Variants in ADCK1 observed in about 807,000 individuals in gnomAD.
The protein encoded by ADCK1 is aarF domain-containing protein kinase 1.
Under a neutral mutation model 52.3 loss-of-function variants are expected in ADCK1, and 41 were observed. The observed-to-expected ratio is 0.78, with a 90% CI of 0.61 to 1.02. ADCK1 has a LOEUF of 1.02. ADCK1 is among the 50% of genes least tolerant of loss of function. The pLI is 0.00. For missense variants in ADCK1, 658 were observed against 679.5 expected, an observed-to-expected ratio of 0.97 and a Z score of 0.35; for synonymous variants, 250 against 274.6, an observed-to-expected ratio of 0.91 and a Z score of 0.89.
chr14:77,852,681 A>AT (rs1291663918), intron 3 of ADCK1, among the ~76,000 whole-genome samples: 10 of 80,976 alleles, frequency 1.2e-4, no homozygotes, highest in African/African-American at 4.6e-4. Flanking sequence ...ATATATATAT[A>AT]TATATATATA....
intron 5 of ADCK1, 100 bp downstream of exon 5, chr14:77,887,349 G>A: frequency 7.5e-7 from 1 of 1,329,296 alleles, no homozygotes; most frequent in Non-Finnish European, 9.9e-7. Context: ...AGTGGAGTGT[G>A]GCCCTTCAAG....
At chr14:77,925,138 T>C (rs2084159685) in intron 8 of ADCK1, among the ~76,000 whole-genome samples, 1 of 152,204 alleles carries the variant, frequency 6.6e-6, no homozygotes, top group South Asian at 2.1e-4. Context: ...TTCTGCTCCT[T>C]CTCTCAGTGA....
chr14:77,909,707 G>A (rs2140262571), intron 7 of ADCK1, among the ~76,000 whole-genome samples: 1 of 152,346 alleles, frequency 6.6e-6, no homozygotes, highest in African/African-American at 2.4e-5. Flanking sequence ...AGTGCCTGGT[G>A]TGTGGCTAGC....
chr14:77,909,913 G>C (rs1055701441), intron 7 of ADCK1, among the ~76,000 whole-genome samples: 4 of 152,200 alleles, frequency 2.6e-5, no homozygotes, highest in Non-Finnish European at 5.9e-5. Flanking sequence ...GTCTCAGAGA[G>C]AGAAGGTCAC....
intron 4 of ADCK1, among the ~76,000 whole-genome samples, chr14:77,869,323 G>A (rs2082727549): frequency 6.6e-6 from 1 of 152,122 alleles, no homozygotes; most frequent in Non-Finnish European, 1.5e-5. Flanking sequence ...TAGCTTCTGG[G>A]GGGTTTGCTG....
intron 1 of ADCK1, among the ~76,000 whole-genome samples, chr14:77,809,772 G>A (rs1296379359): frequency 6.6e-6 from 1 of 151,368 alleles, no homozygotes; most frequent in Non-Finnish European, 1.5e-5. Flanking sequence ...TGGTGGTTCA[G>A]GCCTGTAATC....
At chr14:77,825,384 AT>A (rs34568219) in intron 3 of ADCK1, among the ~76,000 whole-genome samples, 92,603 of 151,958 alleles carry the variant, frequency 0.61, 29,103 homozygotes, top group Middle Eastern at 0.7. Flanking sequence ...TGGGATATTC[AT>A]TTAGCCTTTT....
chr14:77,827,878 G>C (rs770031970), intron 3 of ADCK1: 1 of 412,596 alleles, frequency 2.4e-6, no homozygotes, highest in South Asian at 1.7e-5. Context: ...TCCCAGGCTG[G>C]AGTGCATTGG....
intron 1 of ADCK1, among the ~76,000 whole-genome samples, chr14:77,801,440 CCATATTAAT>C (rs1456530490): frequency 6.6e-6 from 1 of 152,204 alleles, no homozygotes; most frequent in East Asian, 1.9e-4. Context: ...TTAACTCCCT[CCATATTAAT>C]TTATATACAG....
At chr14:77,830,786 C>T (rs2081831728) in intron 3 of ADCK1, among the ~76,000 whole-genome samples, 1 of 152,124 alleles carries the variant, frequency 6.6e-6, no homozygotes, top group Non-Finnish European at 1.5e-5. Flanking sequence ...TTGATTGCTA[C>T]TTTGAGTGTG....
intron 6 of ADCK1, among the ~76,000 whole-genome samples, chr14:77,902,013 T>C (rs570108038): frequency 6.6e-6 from 1 of 152,290 alleles, no homozygotes; most frequent in African/African-American, 2.4e-5. Flanking sequence ...TGTGCTGTTC[T>C]TGGGGAGGAT....
intron 7 of ADCK1, among the ~76,000 whole-genome samples, chr14:77,915,220 A>C (rs549890844): frequency 7.3e-4 from 111 of 151,318 alleles, no homozygotes; most frequent in Non-Finnish European, 1.3e-3. Context: ...TTTAGGGTAC[A>C]TGTGCACAAC....
intron 4 of ADCK1, among the ~76,000 whole-genome samples, chr14:77,878,116 G>A (rs1031799885): frequency 5.3e-5 from 8 of 152,180 alleles, no homozygotes; most frequent in African/African-American, 7.2e-5. Flanking sequence ...ACTTTCTATC[G>A]CCTTCCCTTG....
intron 5 of ADCK1, among the ~76,000 whole-genome samples, chr14:77,894,456 T>C (rs377268870): frequency 3.3e-5 from 5 of 152,198 alleles, no homozygotes; most frequent in African/African-American, 1.2e-4. Context: ...TGCCTTATCT[T>C]GAGCTTCCTA....
chr14:77,830,996 G>C (rs1274968482), intron 3 of ADCK1, among the ~76,000 whole-genome samples: 13 of 152,196 alleles, frequency 8.5e-5, no homozygotes, highest in Admixed American at 8.5e-4. Context: ...GCCAGGTGGT[G>C]ATCAAAATTC....
chr14:77,813,435 C>T (rs945742517), intron 1 of ADCK1, among the ~76,000 whole-genome samples: 11 of 152,264 alleles, frequency 7.2e-5, no homozygotes, highest in Admixed American at 1.3e-4. Flanking sequence ...CTCAGCCTTC[C>T]GAGTGGCTGG....
At chr14:77,854,523 C>G (rs1442071057) in intron 3 of ADCK1, among the ~76,000 whole-genome samples, 1 of 147,910 alleles carries the variant, frequency 6.8e-6, no homozygotes, top group Non-Finnish European at 1.5e-5. Flanking sequence ...TCAACTAATT[C>G]TTAGAGAGGT....
chr14:77,866,732 C>G (rs1029930642), intron 4 of ADCK1, among the ~76,000 whole-genome samples: 1 of 152,144 alleles, frequency 6.6e-6, no homozygotes, highest in East Asian at 1.9e-4. Flanking sequence ...ACCCACTCAC[C>G]TAACCCTCTT....
chr14:77,886,574 T>C (rs574569174), intron 4 of ADCK1, among the ~76,000 whole-genome samples: 2 of 152,108 alleles, frequency 1.3e-5, no homozygotes, highest in African/African-American at 2.4e-5. Context: ...CTACCGTGAA[T>C]GTCCAGCAGT....
Sources: gnomAD v4.1 joint callset for allele counts (sites outside exome capture counted in the v4.1 genomes callset) on GRCh38, gnomAD v4.1.1 for gene constraint, MANE v1.5 for transcripts, NCBI Gene and HGNC (gene_info 2026-07-23, HGNC 2026-07-21) for gene names.